The following KCNK2 variants were observed in gnomAD, a reference collection of about 807,000 sequenced individuals.
The protein encoded by KCNK2 is potassium channel subfamily K member 2.
A neutral mutation model predicts 40.5 loss-of-function variants in KCNK2; 21 were observed. The observed-to-expected ratio is 0.52, with a 90% CI of 0.37 to 0.75. The LOEUF (loss-of-function observed/expected upper bound fraction) is 0.75. Among genes scored for constraint, KCNK2 ranks in the 30% least tolerant of loss-of-function variants. The pLI is 0.00. For synonymous variants in KCNK2, 191 were observed against 202.2 expected (o/e 0.94, Z 0.47); for missense variants, 399 against 531.6 (o/e 0.75, Z 2.45).
intron 1 of KCNK2, among the ~76,000 whole-genome samples, chr1:215,018,268 T>A (rs1290136940): frequency 1.3e-5 from 2 of 152,138 alleles, no homozygotes; most frequent in Non-Finnish European, 2.9e-5. Context: ...ATTTTCCCAC[T>A]AAAAGAATCC....
At chr1:215,141,850 C>T (rs952467698) in intron 3 of KCNK2, among the ~76,000 whole-genome samples, 5 of 151,974 alleles carry the variant, frequency 3.3e-5, no homozygotes, top group East Asian at 1.9e-4. Context: ...CCAGTTAATT[C>T]GTTGTTTTTA....
chr1:215,086,638 A>T lies in KCNK2; in HGVS notation c.317A>T (p.His106Leu). The change falls in exon 2 of 7, where the codon CAT (histidine) becomes CTT (leucine). Residue 106 changes from histidine (H) to leucine (L), a missense_variant. Coordinates refer to ENST00000444842, the MANE Select transcript of KCNK2 (RefSeq NM_001017425.3). ...VIQKQTFISQHSCVNSTELDE... is the reference protein window; with the variant it reads ...VIQKQTFISQLSCVNSTELDE... ...CAGAAGCAAACATTCATATCCCAAC[A>T]TTCCTGTGTCAATTCGACGGAGCTG... 1.9e-6 allele frequency: 3 copies of T among 1,614,112 alleles called. No individual in the cohort carries two copies. The highest frequency in any genetic ancestry group is 8.5e-7 in the Non-Finnish European group (1 of 1,179,992).
intron 2 of KCNK2, among the ~76,000 whole-genome samples, chr1:215,090,998 C>T (rs1241398121): frequency 6.6e-6 from 1 of 152,152 alleles, no homozygotes; most frequent in Non-Finnish European, 1.5e-5. Context: ...AAACACATGG[C>T]TTCTCTCAAG....
At chr1:215,203,684 G>T (rs1032058939) in intron 6 of KCNK2, among the ~76,000 whole-genome samples, 4 of 151,928 alleles carry the variant, frequency 2.6e-5, no homozygotes, top group African/African-American at 9.7e-5. Flanking sequence ...TGTGTATATG[G>T]CTAGAATTTA....
chr1:215,178,671 A>T (rs1402714353), intron 5 of KCNK2, among the ~76,000 whole-genome samples: 1 of 152,106 alleles, frequency 6.6e-6, no homozygotes, highest in African/African-American at 2.4e-5. Context: ...ATTGATCTGT[A>T]TATGGTGAAC....
intron 5 of KCNK2, among the ~76,000 whole-genome samples, chr1:215,187,880 A>G (rs987875535): frequency 6.6e-6 from 1 of 151,866 alleles, no homozygotes; most frequent in Admixed American, 6.6e-5. Context: ...GGAAAGAAAG[A>G]AAAATAGTAC....
chr1:215,107,746 C>A (rs1454329084), intron 2 of KCNK2, among the ~76,000 whole-genome samples: 2 of 151,770 alleles, frequency 1.3e-5, no homozygotes, highest in Non-Finnish European at 2.9e-5. Context: ...GGGTATAAAT[C>A]TCTTATCAGG....
chr1:215,156,648 G>A (rs1571675776), intron 3 of KCNK2, among the ~76,000 whole-genome samples: 1 of 152,136 alleles, frequency 6.6e-6, no homozygotes, highest in African/African-American at 2.4e-5. Flanking sequence ...GAAGAAAAGA[G>A]GTTTAATTGA....
chr1:215,073,705 G>A (rs1280090131), intron 1 of KCNK2, among the ~76,000 whole-genome samples: 1 of 152,096 alleles, frequency 6.6e-6, no homozygotes, highest in Non-Finnish European at 1.5e-5. Context: ...CTTACTTGCT[G>A]TGCTATTTTG....
At chr1:215,124,281 A>G (rs1467312397) in intron 2 of KCNK2, among the ~76,000 whole-genome samples, 2 of 152,008 alleles carry the variant, frequency 1.3e-5, no homozygotes, top group African/African-American at 4.8e-5. Flanking sequence ...ATAGTTTGCA[A>G]CCTGCTATTT....
intron 1 of KCNK2, among the ~76,000 whole-genome samples, chr1:215,033,204 CT>C (rs35027891): frequency 0.026 from 3,691 of 141,520 alleles, 73 homozygotes; most frequent in African/African-American, 0.057. Context: ...AGTTTCTTTT[CT>C]TTTTTTTTTT....
chr1:215,050,757 T>C (rs533365126), intron 1 of KCNK2, among the ~76,000 whole-genome samples: 1 of 152,208 alleles, frequency 6.6e-6, no homozygotes, highest in East Asian at 1.9e-4. Context: ...CTGAGATATA[T>C]GATCATCTTA....
At chr1:215,008,111 A>G (rs2102468219) in intron 1 of KCNK2, among the ~76,000 whole-genome samples, 1 of 151,234 alleles carries the variant, frequency 6.6e-6, no homozygotes, top group Admixed American at 6.6e-5. Context: ...CAGAAGTCCT[A>G]AGTCTTTTTT....
intron 1 of KCNK2, among the ~76,000 whole-genome samples, chr1:215,007,183 GGGTATATATA>G (rs373599993): frequency 0.039 from 3,264 of 83,506 alleles, 199 homozygotes; most frequent in Middle Eastern, 0.11. Flanking sequence ...GTATGTGTGT[GGGTATATATA>G]TATATATATA....
intron 3 of KCNK2, among the ~76,000 whole-genome samples, chr1:215,167,639 A>G (rs1407719462): frequency 6.6e-6 from 1 of 152,164 alleles, no homozygotes; most frequent in Non-Finnish European, 1.5e-5. Context: ...AAGTTTTTAG[A>G]TATTGCTTTT....
At chr1:215,098,174 A>G (rs1211970715) in intron 2 of KCNK2, among the ~76,000 whole-genome samples, 1 of 151,190 alleles carries the variant, frequency 6.6e-6, no homozygotes, top group Non-Finnish European at 1.5e-5. Context: ...TGCTTAGTTA[A>G]GACTTTGATA....
At chr1:215,215,122 A>G (rs996403276) in intron 6 of KCNK2, among the ~76,000 whole-genome samples, 2 of 152,182 alleles carry the variant, frequency 1.3e-5, no homozygotes, top group African/African-American at 4.8e-5. Context: ...TGTTAAAATC[A>G]GACAAAGGCA....
intron 6 of KCNK2, among the ~76,000 whole-genome samples, chr1:215,214,839 A>C (rs533780391): frequency 1.6e-4 from 25 of 152,204 alleles, no homozygotes; most frequent in African/African-American, 5.8e-4. Flanking sequence ...AAAAATAAAA[A>C]ATTGAAAAAC....
At chr1:215,209,510 T>C (rs796441966) in intron 6 of KCNK2, among the ~76,000 whole-genome samples, 4 of 4,212 alleles carry the variant, frequency 9.5e-4, no homozygotes, top group Non-Finnish European at 1.2e-3. Context: ...ATATAATATA[T>C]ATAAAATATA....
Sources: allele counts gnomAD v4.1 joint callset (sites outside exome capture counted in the v4.1 genomes callset), GRCh38; gene constraint gnomAD v4.1.1; transcripts MANE v1.5; gene names NCBI Gene and HGNC (gene_info 2026-07-23, HGNC 2026-07-21).